The following ZFYVE1 variants were observed in gnomAD, a reference collection of about 807,000 sequenced individuals.
ZFYVE1 encodes zinc finger FYVE domain-containing protein 1.
ZFYVE1 carries 30 observed loss-of-function variants against 74.4 expected under a neutral mutation model. The observed-to-expected ratio is 0.40, with a 90% CI of 0.30 to 0.55. The LOEUF is 0.55. ZFYVE1 is among the 20% of genes least tolerant of loss of function. The pLI is 0.42. For synonymous variants in ZFYVE1, 335 were observed against 385.1 expected (o/e 0.87, Z 1.52); for missense variants, 703 against 1,011.6 (o/e 0.69, Z 4.14).
chr14:72,977,225 T>C (rs1303725941), intron 8 of ZFYVE1, among the ~76,000 whole-genome samples: 1 of 152,144 alleles, frequency 6.6e-6, no homozygotes, highest in African/African-American at 2.4e-5. Context: ...CTGACCAACA[T>C]GGAGAAACCC....
At chr14:73,015,571 A>G (rs561249213) in intron 2 of ZFYVE1, among the ~76,000 whole-genome samples, 1 of 152,134 alleles carries the variant, frequency 6.6e-6, no homozygotes, top group African/African-American at 2.4e-5. Context: ...TTTAGTAGAC[A>G]CGGGGTTTTG....
rs564967074 is a variant in ZFYVE1, at chr14:72,986,434, C to T, written c.1204-4539G>A. On this transcript the variant is annotated intron_variant, in intron 4 of 11. Coordinates refer to ENST00000556143, the MANE Select transcript of ZFYVE1 (RefSeq NM_021260.4). ...TCAGACCTTGACAAGTTTCAGGAGG[C>T]TTTACAAGAATCAAGAGTGTGGGAA... is the stretch of plus-strand genomic sequence containing the variant. Among the ~76,000 whole-genome samples, 5 of 147,420 alleles carry T rather than the reference C, an allele frequency of 3.4e-5. No homozygotes were observed. In the East Asian group the frequency reaches 9.9e-4, roughly 29 times the overall value.
At chr14:73,020,552 C>T (rs144030107) in intron 2 of ZFYVE1, among the ~76,000 whole-genome samples, 42 of 152,224 alleles carry the variant, frequency 2.8e-4, no homozygotes, top group African/African-American at 1.0e-3. Flanking sequence ...TGGAGTTTCA[C>T]CATGTTGGCC....
rs916420727 is a variant in ZFYVE1 at position 72,982,004 on chromosome 14, A to C, written c.1204-109T>G. 3.4e-6 allele frequency: 3 copies of C among 892,780 alleles called. No homozygotes were observed. In the African/African-American group the frequency reaches 4.9e-5, roughly 15 times the overall value. 55.3% of individuals were successfully genotyped at this position (892,780 alleles called of 1,614,324 possible). Reference sequence around the variant, plus strand: ...AACACAGGCACAGAAGAAATCCAGTAACTTCTGCTCATTACCCTTGACCTT... The same window carrying C: ...AACACAGGCACAGAAGAAATCCAGTCACTTCTGCTCATTACCCTTGACCTT... On this transcript the variant is annotated intron_variant, in intron 4 of 11. Transcript: ENST00000556143.
chr14:73,023,206 TTA>T (rs1313363763), intron 2 of ZFYVE1, among the ~76,000 whole-genome samples: 1 of 137,622 alleles, frequency 7.3e-6, no homozygotes, highest in African/African-American at 2.6e-5. Context: ...TATATATGTT[TTA>T]TATATAATAT....
At chr14:72,972,113 CT>C (rs1359849048) in intron 11 of ZFYVE1, among the ~76,000 whole-genome samples, 30 of 152,206 alleles carry the variant, frequency 2.0e-4, no homozygotes, top group African/African-American at 6.3e-4. Flanking sequence ...ACTTGGAAGC[CT>C]GAGGCATGAG....
rs775701799 is a variant in ZFYVE1 at position 72,974,762 on chromosome 14, C to G, written c.1987+17G>C. The stretch of plus-strand genomic sequence containing the variant: ...GGTTCTCCCCTCCACCCCTGCAGCT[C>G]CCAGGTCCCACGTTACCTAACTGGA... On this transcript the variant is annotated intron_variant, in intron 10 of 11. Transcript: ENST00000556143. 2.5e-5 allele frequency: 39 copies of G among 1,586,124 alleles called. No homozygotes were observed. In the Admixed American group the frequency reaches 6.4e-4, roughly 26 times the overall value.
chr14:73,023,602 G>A (rs1383355524), intron 2 of ZFYVE1, among the ~76,000 whole-genome samples: 2 of 151,432 alleles, frequency 1.3e-5, no homozygotes, highest in East Asian at 1.9e-4. Flanking sequence ...CCCTGGATAG[G>A]TGCAGTCCCG....
rs747927549 is a variant in ZFYVE1 at position 72,997,802 on chromosome 14, A to C, written c.988+9T>G. 5 of 1,574,220 alleles carry C rather than the reference A, an allele frequency of 3.2e-6. No homozygotes were observed. In the African/African-American group the frequency reaches 6.7e-5, roughly 21 times the overall value. On this transcript the variant is annotated intron_variant, in intron 3 of 11. Transcript: ENST00000556143. ...AGGTTGAGCTGTGACACTGTACCCC[A>C]TCTCTCACCAGAGCCCAGTAGCTGG... is the stretch of plus-strand genomic sequence containing the variant.
intron 2 of ZFYVE1, among the ~76,000 whole-genome samples, chr14:73,015,470 A>C (rs1372434841): frequency 6.6e-6 from 1 of 151,156 alleles, no homozygotes; most frequent in Non-Finnish European, 1.5e-5. Context: ...ATAGCAGAGG[A>C]AACCTCCACC....
At chr14:73,006,567 T>C (rs1404607519) in intron 2 of ZFYVE1, among the ~76,000 whole-genome samples, 3 of 151,706 alleles carry the variant, frequency 2.0e-5, no homozygotes, top group African/African-American at 7.3e-5. Flanking sequence ...AGAGTAAGAC[T>C]CTGTCTAAAA....
chr14:72,999,858 G>A (rs10138746), intron 2 of ZFYVE1, among the ~76,000 whole-genome samples: 3 of 152,018 alleles, frequency 2.0e-5, no homozygotes, highest in South Asian at 2.1e-4. Flanking sequence ...CCAGGAGTTC[G>A]AGACCAGCCT....
chr14:72,992,615 G>GCCCA lies in ZFYVE1; in HGVS notation c.1203+527_1203+528insTGGG, dbSNP rs1893640468. Among the ~76,000 whole-genome samples the GCCCA allele has an allele frequency of 1.6e-4, 17 of 109,032 alleles. 2 individuals carry two copies. Among genetic ancestry groups the GCCCA allele is most frequent in the African/African-American group, 7.3e-4 (17 of 23,184 alleles). The allele number at this position is 109,032 out of a possible 152,430, so 71.5% of individuals were successfully genotyped here. On this transcript the variant is annotated intron_variant, in intron 4 of 11. Transcript: ENST00000556143. Reference sequence around the variant, plus strand: ...CTCTGGGGGGAGGTCCCATTCAGGTGCCCCCCCCGCCCCTTGCAAGAGAGA... The same window carrying GCCCA: ...CTCTGGGGGGAGGTCCCATTCAGGTGCCCACCCCCCCCGCCCCTTGCAAGAGAGA...
At chr14:73,009,148 G>T (rs191306135) in intron 2 of ZFYVE1, among the ~76,000 whole-genome samples, 3 of 152,302 alleles carry the variant, frequency 2.0e-5, no homozygotes, top group Non-Finnish European at 4.4e-5. Flanking sequence ...TATATCCTCT[G>T]GGGGAGGGAA....
At chr14:73,003,045 TTTTC>T in intron 2 of ZFYVE1, among the ~76,000 whole-genome samples, 1 of 109,306 alleles carries the variant, frequency 9.1e-6, no homozygotes, top group Admixed American at 1.1e-4. Flanking sequence ...CCAGCCCTTT[TTTTC>T]TTTTCTTTTT....
intron 3 of ZFYVE1, among the ~76,000 whole-genome samples, chr14:72,994,717 T>A (rs1893705552): frequency 6.6e-6 from 1 of 152,212 alleles, no homozygotes; most frequent in Non-Finnish European, 1.5e-5. Context: ...CTTTCAGACA[T>A]TTTTCCTACA....
At chr14:73,025,166 T>C (rs1894431672) in intron 1 of ZFYVE1, among the ~76,000 whole-genome samples, 1 of 151,492 alleles carries the variant, frequency 6.6e-6, no homozygotes, top group Admixed American at 6.6e-5. Context: ...CCTCCCGGGT[T>C]CAAGCGATTC....
chr14:72,987,937 G>A (rs78044039), intron 4 of ZFYVE1, among the ~76,000 whole-genome samples: 10,892 of 152,194 alleles, frequency 0.072, 533 homozygotes, highest in East Asian at 0.19. Flanking sequence ...AGGTATGTAT[G>A]GGCAAGCCAC....
intron 2 of ZFYVE1, among the ~76,000 whole-genome samples, chr14:73,015,483 C>T (rs1276502079): frequency 6.6e-6 from 1 of 151,822 alleles, no homozygotes; most frequent in Non-Finnish European, 1.5e-5. Flanking sequence ...CCTCCACCCC[C>T]TGGGTTCATG....
Sources: allele counts gnomAD v4.1 joint callset (sites outside exome capture counted in the v4.1 genomes callset), GRCh38; gene constraint gnomAD v4.1.1; transcripts MANE v1.5; gene names NCBI Gene and HGNC (gene_info 2026-07-23, HGNC 2026-07-21).